Variants in BRAF observed in about 807,000 individuals in gnomAD.
The protein encoded by BRAF is serine/threonine-protein kinase B-raf.
In BRAF, 16 loss-of-function variants were observed where a neutral mutation model predicts 104.6. The observed-to-expected ratio is 0.15, with a 90% CI of 0.10 to 0.23. The LOEUF is 0.23. Ranked by LOEUF, BRAF falls within the 10% of genes least tolerant of loss-of-function variation. The pLI is 1.00. For missense variants in BRAF, 541 were observed against 937.3 expected, an observed-to-expected ratio of 0.58 and a Z score of 5.52; for synonymous variants, 310 against 341.6, an observed-to-expected ratio of 0.91 and a Z score of 1.02.
rs10525418 is a variant in BRAF at position 140,798,272 on chromosome 7, C to CTTTTT, written c.980+2085_980+2089dup. On this transcript the variant is annotated intron_variant, in intron 7 of 19. Coordinates refer to ENST00000644969, the MANE Select transcript of BRAF (RefSeq NM_001374258.1). ...AATGCTGTATGGGGACTTTTTTTTT[C>CTTTTT]TTTTTTTTGAGACGGAGTCTTGCTC... Among the ~76,000 whole-genome samples the CTTTTT allele has an allele frequency of 2.9e-4, 34 of 115,614 alleles. 2 individuals carry two copies. Among genetic ancestry groups the CTTTTT allele is most frequent in the East Asian group, 7.4e-4 (3 of 4,060 alleles). 75.8% of individuals were successfully genotyped at this position (115,614 alleles called of 152,430 possible).
downstream of BRAF, among the ~76,000 whole-genome samples, chr7:140,715,605 AAGG>A (rs1299655950): frequency 6.6e-6 from 1 of 152,224 alleles, no homozygotes; most frequent in African/African-American, 2.4e-5. Flanking sequence ...TTTAAAGAAT[AAGG>A]AGGCCATATT....
intron 1 of BRAF, among the ~76,000 whole-genome samples, chr7:140,865,344 T>TG (rs1295850071): frequency 1.3e-5 from 2 of 152,158 alleles, no homozygotes; most frequent in Admixed American, 6.5e-5. Context: ...CCTCCCAAAG[T>TG]GCTGGGATTA....
chr7:140,744,971 G>C (rs1295534745), intron 17 of BRAF, among the ~76,000 whole-genome samples: 1 of 151,808 alleles, frequency 6.6e-6, no homozygotes, highest in Non-Finnish European at 1.5e-5. Flanking sequence ...ATGTAACTTA[G>C]GTAATCAATA....
intron 3 of BRAF, among the ~76,000 whole-genome samples, chr7:140,817,258 T>C (rs761357801): frequency 1.3e-5 from 2 of 151,912 alleles, no homozygotes; most frequent in Admixed American, 6.6e-5. Context: ...AAGTGAAAGA[T>C]TTCTACAATG....
At chr7:140,879,470 G>C (rs1485880152) in intron 1 of BRAF, among the ~76,000 whole-genome samples, 1 of 149,322 alleles carries the variant, frequency 6.7e-6, no homozygotes, top group Non-Finnish European at 1.5e-5. Context: ...GTGAGCCACT[G>C]AGCCCGGCCC....
At chr7:140,740,635 TGA>T (rs1192425157) in intron 17 of BRAF, 1 of 152,210 alleles carries the variant, frequency 6.6e-6, no homozygotes, top group Non-Finnish European at 1.5e-5. Flanking sequence ...GAGGACAGCC[TGA>T]GAGAAGGGCT....
intron 17 of BRAF, chr7:140,747,412 A>G (rs1797443164): frequency 1.9e-5 from 24 of 1,288,638 alleles, no homozygotes; most frequent in Non-Finnish European, 2.1e-5. Flanking sequence ...AGCCCTTGCC[A>G]CATCATTTAT....
At chr7:140,885,265 A>C (rs1398025258) in intron 1 of BRAF, among the ~76,000 whole-genome samples, 1 of 152,092 alleles carries the variant, frequency 6.6e-6, no homozygotes, top group African/African-American at 2.4e-5. Flanking sequence ...AGACTCCCAG[A>C]GTGCTGGGAT....
chr7:140,719,930 T>G lies in BRAF; in HGVS notation c.*6564A>C. 2.8e-6 allele frequency: 3 copies of G among 1,062,104 alleles called. No individual in the cohort carries two copies. The highest frequency in any genetic ancestry group is 3.4e-6 in the Non-Finnish European group (3 of 877,392). The allele number at this position is 1,062,104 out of a possible 1,614,324, so 65.8% of individuals were successfully genotyped here. A position where few individuals can be genotyped will look rare whatever the true frequency, so the allele number is the denominator to read the frequency against. On this transcript the variant is annotated 3_prime_UTR_variant, in exon 20 of 20. Transcript: ENST00000644969. The stretch of plus-strand genomic sequence containing the variant: ...AATGTGTGTGTGAGTCGCCATAAGG[T>G]TTGGAGTGGTGAAACAGGAACCGTG...
At chr7:140,895,245 C>T (rs554962182) in intron 1 of BRAF, among the ~76,000 whole-genome samples, 50 of 151,986 alleles carry the variant, frequency 3.3e-4, no homozygotes, top group African/African-American at 1.2e-3. Flanking sequence ...AATAAATGTA[C>T]GAAAAAAATC....
At chr7:140,729,540 G>T (rs1795816985) in intron 19 of BRAF, among the ~76,000 whole-genome samples, 1 of 152,086 alleles carries the variant, frequency 6.6e-6, no homozygotes, top group African/African-American at 2.4e-5. Context: ...CCAGCACTTT[G>T]GGAGGCTGAG....
rs10254605 is a variant in BRAF, at chr7:140,753,167, T to C, written c.1980+108A>G. On this transcript the variant is annotated intron_variant, in intron 16 of 19. Coordinates refer to ENST00000644969, the MANE Select transcript of BRAF (RefSeq NM_001374258.1). ...TAAGAACACTGATTTTTGTGAATAC[T>C]GGGAACTATGAAAATACTATAGTTG... 8.3e-3 allele frequency: 6,853 copies of C among 827,184 alleles called. 308 individuals carry two copies. The African/African-American group carries it at 0.097, about 12-fold the overall frequency. The allele number at this position is 827,184 out of a possible 1,614,324, so 51.2% of individuals were successfully genotyped here. A position where few individuals can be genotyped will look rare whatever the true frequency, so the allele number is the denominator to read the frequency against.
intron 3 of BRAF, among the ~76,000 whole-genome samples, chr7:140,829,248 C>T (rs1806433221): frequency 6.6e-6 from 1 of 150,966 alleles, no homozygotes; most frequent in African/African-American, 2.4e-5. Context: ...CATCTGTCTC[C>T]TACAGCTTTT....
intron 1 of BRAF, among the ~76,000 whole-genome samples, chr7:140,915,984 A>G (rs997180723): frequency 1.3e-5 from 2 of 148,686 alleles, no homozygotes; most frequent in Admixed American, 1.3e-4. Context: ...ACCAAAACAA[A>G]CAAACAAACA....
chr7:140,713,951 C>T, the BRAF span, among the ~76,000 whole-genome samples: 1 of 152,142 alleles, frequency 6.6e-6, no homozygotes, highest in Non-Finnish European at 1.5e-5. Context: ...ATGCTGCTGC[C>T]TGATCGTTCT....
At chr7:140,916,705 C>T (rs1163859940) in intron 1 of BRAF, among the ~76,000 whole-genome samples, 1 of 152,114 alleles carries the variant, frequency 6.6e-6, no homozygotes, top group African/African-American at 2.4e-5. Context: ...TTTCATGAAC[C>T]TCACCACCAC....
At chr7:140,733,244 T>C (rs1796118685) in intron 19 of BRAF, 1 of 152,224 alleles carries the variant, frequency 6.6e-6, no homozygotes, top group African/African-American at 2.4e-5. Flanking sequence ...TAAATTATCA[T>C]TAATTTAAAG....
Position 140,726,133 on chromosome 7 carries a change from A to G in BRAF, c.*361T>C. On this transcript the variant is annotated 3_prime_UTR_variant, in exon 20 of 20. Coordinates refer to ENST00000644969, the MANE Select transcript of BRAF (RefSeq NM_001374258.1). ...AATTGATCTGGTGGTTAGAAGGGCA[A>G]AGTTGACTGGCAGACTTTCCATAGC... 1 of 1,115,222 alleles carries G rather than the reference A, an allele frequency of 9.0e-7. No homozygotes were observed. The highest frequency in any genetic ancestry group is 1.1e-6 in the Non-Finnish European group (1 of 912,294). The allele number at this position is 1,115,222 out of a possible 1,614,324, so 69.1% of individuals were successfully genotyped here.
intron 3 of BRAF, among the ~76,000 whole-genome samples, chr7:140,810,326 TG>T (rs1804112863): frequency 6.6e-6 from 1 of 152,158 alleles, no homozygotes; most frequent in South Asian, 2.1e-4. Flanking sequence ...CCCAACACTT[TG>T]GGAGGCCAAG....
Sources: gnomAD v4.1 joint callset for allele counts (sites outside exome capture counted in the v4.1 genomes callset) on GRCh38, gnomAD v4.1.1 for gene constraint, MANE v1.5 for transcripts, NCBI Gene and HGNC (gene_info 2026-07-23, HGNC 2026-07-21) for gene names.